The following PKD1L1 variants were observed in gnomAD, a reference collection of about 807,000 sequenced individuals.
PKD1L1 encodes polycystin-1-like protein 1.
Under a neutral mutation model 323.4 loss-of-function variants are expected in PKD1L1, and 236 were observed. The ratio of observed to expected loss-of-function variants is 0.73; its 90% CI spans 0.66 to 0.81. The LOEUF (loss-of-function observed/expected upper bound fraction) is 0.81, where lower values mean the gene tolerates loss of function less well. Ranked by LOEUF, PKD1L1 falls within the 40% of genes least tolerant of loss-of-function variation. The pLI, the probability that PKD1L1 is intolerant of heterozygous loss-of-function variation, is 0.00. For missense variants in PKD1L1, 3,320 were observed against 3,508.0 expected (o/e 0.95, Z 1.35); for synonymous variants, 1,344 against 1,335.0 (o/e 1.01, Z -0.15).
At chr7:47,860,669 G>A (rs752321658) in intron 26 of PKD1L1, among the ~76,000 whole-genome samples, 2 of 152,184 alleles carry the variant, frequency 1.3e-5, no homozygotes, top group Non-Finnish European at 2.9e-5. Flanking sequence ...GTGCTTTAAA[G>A]AATATATTAT....
rs537070042 is a variant in PKD1L1, at chr7:47,890,840, T to A, written c.2454-77A>T. The A allele has an allele frequency of 3.0e-4, 397 of 1,318,816 alleles. 1 individual carries two copies. Among genetic ancestry groups the A allele is most frequent in the Non-Finnish European group, 4.0e-4 (368 of 931,494 alleles). 81.7% of individuals were successfully genotyped at this position (1,318,816 alleles called of 1,614,324 possible). A position where few individuals can be genotyped will look rare whatever the true frequency, so the allele number is the denominator to read the frequency against. ...GACTACCCTGTGTCACTGCACGGGT[T>A]TTCCCCAGGTGAGGGGGACCACAGG... On this transcript the variant is annotated intron_variant, in intron 15 of 56. Transcript: ENST00000289672.
intron 8 of PKD1L1, among the ~76,000 whole-genome samples, chr7:47,915,040 T>A (rs75549982): frequency 0.013 from 2,040 of 152,240 alleles, 42 homozygotes; most frequent in African/African-American, 0.046. Context: ...AACTAGAAAT[T>A]AATAACGAAA....
At position 47,915,460 on chromosome 7, in the gene PKD1L1, T is replaced by C; in HGVS notation, c.1200A>G (p.Gly400=). ...TGACAAAGGCAGAAATAAGCTCATA[T>C]CCAAGGTTACTGGGGTCTGAGTCTT... ...CLEDSDPSNL[G]YELISAFVTK... The change falls in exon 8 of 57, where the codon GGA becomes GGG. Residue 400 remains glycine, a synonymous_variant. Transcript: ENST00000289672. The C allele has an allele frequency of 9.5e-7, 1 of 1,050,838 alleles. No homozygotes were observed. The highest frequency in any genetic ancestry group is 1.5e-6 in the Non-Finnish European group (1 of 665,490). 65.1% of individuals were successfully genotyped at this position (1,050,838 alleles called of 1,614,324 possible). A position where few individuals can be genotyped will look rare whatever the true frequency, so the allele number is the denominator to read the frequency against.
intron 2 of PKD1L1, among the ~76,000 whole-genome samples, chr7:47,941,631 G>GCACC (rs1359692553): frequency 6.6e-6 from 1 of 152,246 alleles, no homozygotes; most frequent in Non-Finnish European, 1.5e-5. Context: ...GTGCCATTGA[G>GCACC]CACCCATGCA....
rs1785601775 is a variant in PKD1L1, at chr7:47,843,315, AG to A, written c.5238-147del. 5 of 678,738 alleles carry A rather than the reference AG, an allele frequency of 7.4e-6. 1 individual carries two copies. The East Asian group carries it at 1.4e-4, about 19-fold the overall frequency. 42.0% of individuals were successfully genotyped at this position (678,738 alleles called of 1,614,324 possible). A position where few individuals can be genotyped will look rare whatever the true frequency, so the allele number is the denominator to read the frequency against. The stretch of plus-strand genomic sequence containing the variant: ...TTTTACACTTGCTGGAAGCTGAGTT[AG>A]AAGGGCTTTGAAGGCAGGGAGCTGG... On this transcript the variant is annotated intron_variant, in intron 33 of 56. Coordinates refer to ENST00000289672, the MANE Select transcript of PKD1L1 (RefSeq NM_138295.5).
At chr7:47,831,069 A>G in intron 42 of PKD1L1, 148 bp downstream of exon 42, 1 of 1,132,302 alleles carries the variant, frequency 8.8e-7, no homozygotes. Context: ...TTACCCCAGG[A>G]GATGGGAGGG....
intron 10 of PKD1L1, 72 bp downstream of exon 10, chr7:47,905,771 A>G (rs565007009): frequency 1.1e-5 from 18 of 1,583,164 alleles, no homozygotes; most frequent in Middle Eastern, 3.4e-4. Context: ...GCTGCTGCCT[A>G]CGGCTTTCCT....
chr7:47,906,890 A>G (rs1370956481), intron 9 of PKD1L1, among the ~76,000 whole-genome samples: 2 of 148,144 alleles, frequency 1.4e-5, no homozygotes, highest in African/African-American at 2.7e-5. Flanking sequence ...CTGATAATCA[A>G]AAGTGTTAAA....
rs1388729691 is a variant in PKD1L1, at chr7:47,845,053, G to A, written c.5179C>T (p.Leu1727Phe). 6.2e-7 allele frequency: 1 copy of A among 1,613,974 alleles called. No individual in the cohort carries two copies. The highest frequency in any genetic ancestry group is 1.7e-5 in the Admixed American group (1 of 59,936). Reference protein sequence around the residue: ...CSYHRLAAFALLRRKLKASFE... With the variant: ...CSYHRLAAFAFLRRKLKASFE... ...CTGGCCTTCAGCTTTCTCCTTAGGA[G>A]AGCGAATGCCGCGAGGCGATGGTAG... Residue 1727 changes from leucine (L) to phenylalanine (F), a missense_variant, in exon 33 of 57, where the codon CTC (leucine) becomes TTC (phenylalanine). Physicochemically the swap from Leu to Phe is conservative, Grantham distance 22. Coordinates refer to ENST00000289672, the MANE Select transcript of PKD1L1 (RefSeq NM_138295.5).
chr7:47,834,906 T>C lies in PKD1L1; in HGVS notation c.6127+61A>G, dbSNP rs150186635. The C allele has an allele frequency of 6.8e-4, 952 of 1,395,340 alleles. 4 individuals are homozygous for C. In the African/African-American group the frequency reaches 0.011, roughly 16 times the overall value. The allele number at this position is 1,395,340 out of a possible 1,614,324, so 86.4% of individuals were successfully genotyped here. On this transcript the variant is annotated intron_variant, in intron 39 of 56. Coordinates refer to ENST00000289672, the MANE Select transcript of PKD1L1 (RefSeq NM_138295.5). Reference sequence around the variant, plus strand: ...AACAGAAGATACAATTTCTACTTAGTAGATTGGTGCAAAAGGCTCAGCCCC... The same window carrying C: ...AACAGAAGATACAATTTCTACTTAGCAGATTGGTGCAAAAGGCTCAGCCCC...
At chr7:47,893,229 CAAAAAAAAAA>C (rs529686945) in intron 15 of PKD1L1, among the ~76,000 whole-genome samples, 13 of 53,026 alleles carry the variant, frequency 2.5e-4, no homozygotes, top group African/African-American at 6.3e-4. Context: ...GACCCTATCT[CAAAAAAAAAA>C]AAAAAAAAAA....
rs147210475 is a variant in PKD1L1 at position 47,857,624 on chromosome 7, C to T, written c.4571G>A (p.Gly1524Glu). ...LILFKKNPYP[G>E]SQAPGQIGGV... is the part of the protein sequence containing the mutation. ...TTGTACCTGCCCAGGAGCTTGGCTC[C>T]CTGGATATGGGTTCTTCTTGAAGAG... Residue 1524 changes from glycine to glutamate, a missense_variant, in exon 28 of 57, where the codon GGG (glycine) becomes GAG (glutamate). Transcript: ENST00000289672. The T allele has an allele frequency of 4.3e-6, 7 of 1,614,004 alleles. No homozygotes were observed. In the African/African-American group the frequency reaches 9.3e-5, roughly 22 times the overall value.
At chr7:47,806,213 G>C (rs1784774062) in intron 52 of PKD1L1, among the ~76,000 whole-genome samples, 1 of 152,192 alleles carries the variant, frequency 6.6e-6, no homozygotes, top group African/African-American at 2.4e-5. Flanking sequence ...AACCTCCCCT[G>C]TCCGCATCAG....
intron 9 of PKD1L1, among the ~76,000 whole-genome samples, chr7:47,906,446 TATACACACC>T (rs1787209065): frequency 6.6e-6 from 1 of 152,060 alleles, no homozygotes; most frequent in Non-Finnish European, 1.5e-5. Flanking sequence ...ATACATACCA[TATACACACC>T]ATACACAGCA....
rs764379854 is a variant in PKD1L1, at chr7:47,915,459, A to T, written c.1201T>A (p.Tyr401Asn). 9.6e-7 allele frequency: 1 copy of T among 1,043,604 alleles called. No individual in the cohort carries two copies. Among genetic ancestry groups the T allele is most frequent in the Non-Finnish European group, 1.5e-6 (1 of 658,862 alleles). The allele number at this position is 1,043,604 out of a possible 1,614,324, so 64.6% of individuals were successfully genotyped here. The change falls in exon 8 of 57, where the codon TAT becomes AAT. Residue 401 changes from tyrosine (Y) to asparagine (N), a missense_variant. Coordinates refer to ENST00000289672, the MANE Select transcript of PKD1L1 (RefSeq NM_138295.5). ...GTGACAAAGGCAGAAATAAGCTCAT[A>T]TCCAAGGTTACTGGGGTCTGAGTCT... is the stretch of plus-strand genomic sequence containing the variant. ...LEDSDPSNLG[Y>N]ELISAFVTKG...
intron 46 of PKD1L1, chr7:47,819,827 G>T (rs1303709447): frequency 8.7e-6 from 2 of 230,814 alleles, no homozygotes; most frequent in Non-Finnish European, 1.7e-5. Context: ...AATATGTTCT[G>T]AAATAATTGA....
chr7:47,876,861 C>T (rs1394258887), intron 22 of PKD1L1, among the ~76,000 whole-genome samples: 2 of 152,112 alleles, frequency 1.3e-5, no homozygotes, highest in African/African-American at 4.8e-5. Flanking sequence ...CTCACTGCAA[C>T]CTCCGCCTCC....
At chr7:47,813,549 T>G (rs1175733531) in intron 48 of PKD1L1, 1 of 679,348 alleles carries the variant, frequency 1.5e-6, no homozygotes, top group Non-Finnish European at 2.7e-6. Flanking sequence ...ACTTGAAGAC[T>G]TCCCCATCAT....
intron 56 of PKD1L1, among the ~76,000 whole-genome samples, chr7:47,791,780 A>T (rs1037648095): frequency 1.3e-5 from 2 of 152,088 alleles, no homozygotes; most frequent in Admixed American, 1.3e-4. Flanking sequence ...GCCTTCAGAG[A>T]GCTCCTTCAT....
Sources: gnomAD v4.1 joint callset for allele counts (sites outside exome capture counted in the v4.1 genomes callset) on GRCh38, gnomAD v4.1.1 for gene constraint, MANE v1.5 for transcripts, NCBI Gene and HGNC (gene_info 2026-07-23, HGNC 2026-07-21) for gene names.